RNF220: variants seen among roughly 807,000 people sequenced by gnomAD.
RNF220 encodes E3 ubiquitin-protein ligase RNF220.
In RNF220, 7 loss-of-function variants were observed where a neutral mutation model predicts 67.1. The observed-to-expected ratio is 0.10, with a 90% CI of 0.06 to 0.20. The LOEUF is 0.20. Among genes scored for constraint, RNF220 ranks in the 10% least tolerant of loss-of-function variants. RNF220 has a pLI of 1.00. For synonymous variants in RNF220, 270 were observed against 283.2 expected (o/e 0.95, Z 0.47); for missense variants, 565 against 740.3 (o/e 0.76, Z 2.75).
intron 2 of RNF220, among the ~76,000 whole-genome samples, chr1:44,544,569 TG>T (rs1661964865): frequency 6.6e-6 from 1 of 152,256 alleles, no homozygotes; most frequent in Admixed American, 6.5e-5. Context: ...CCTGTTGCCC[TG>T]TGTTTTAAGA....
At chr1:44,561,250 G>A (rs770429206) in intron 2 of RNF220, among the ~76,000 whole-genome samples, 2 of 152,308 alleles carry the variant, frequency 1.3e-5, no homozygotes, top group South Asian at 2.1e-4. Flanking sequence ...GGTGGCTCAC[G>A]CCTGTAATCC....
At chr1:44,512,844 C>T (rs1374980387) in intron 2 of RNF220, among the ~76,000 whole-genome samples, 2 of 152,050 alleles carry the variant, frequency 1.3e-5, no homozygotes, top group Non-Finnish European at 2.9e-5. Flanking sequence ...CCTCACCCTT[C>T]GGCAGCGAGT....
At chr1:44,635,623 C>A in intron 7 of RNF220, 35 bp downstream of exon 7, 2 of 1,614,120 alleles carry the variant, frequency 1.2e-6, no homozygotes, top group Non-Finnish European at 1.7e-6. Context: ...CTGGCAGGAT[C>A]GGAGCAGGAG....
chr1:44,510,666 C>T (rs1301259948), intron 2 of RNF220, among the ~76,000 whole-genome samples: 2 of 152,090 alleles, frequency 1.3e-5, no homozygotes, highest in South Asian at 2.1e-4. Flanking sequence ...TCTGTCCTTC[C>T]GGGATGTAAC....
In RNF220 at chr1:44,417,127, G is replaced by T. The variant is rs1306091469; in HGVS notation, c.625+4405G>T. Among the ~76,000 whole-genome samples the T allele has an allele frequency of 6.6e-6, 1 of 152,020 alleles. No homozygotes were observed. Among genetic ancestry groups the T allele is most frequent in the Non-Finnish European group, 1.5e-5 (1 of 67,996 alleles). On this transcript the variant is annotated intron_variant, in intron 2 of 14. Transcript: ENST00000361799. The surrounding 1 kb of genome is among the most constrained non-coding windows in gnomAD (Gnocchi z 4.0). The stretch of plus-strand genomic sequence containing the variant: ...GCCAGGTGGCCAGGCTGCACCTCTG[G>T]GTTGCAGCTGGGACAGATGACCACT...
Position 44,645,379 on chromosome 1 carries a change from C to T in RNF220, c.1367-31C>T, listed in dbSNP as rs756337154. 1.6e-5 allele frequency: 26 copies of T among 1,613,724 alleles called. 1 individual carries two copies. Among genetic ancestry groups the T allele is most frequent in the South Asian group, 7.7e-5 (7 of 91,062 alleles). On this transcript the variant is annotated intron_variant, in intron 11 of 14. Transcript: ENST00000361799. The surrounding 1 kb of genome is among the most constrained non-coding windows in gnomAD (Gnocchi z 5.0). Reference sequence around the variant, plus strand: ...CCTCACCTGTGCTGCCCAGTCTGGCCGGAGTGTGAGTTGCCCCTCTGTCCC... The same window carrying T: ...CCTCACCTGTGCTGCCCAGTCTGGCTGGAGTGTGAGTTGCCCCTCTGTCCC...
At chr1:44,527,691 T>G (rs1330935206) in intron 2 of RNF220, among the ~76,000 whole-genome samples, 1 of 151,744 alleles carries the variant, frequency 6.6e-6, no homozygotes, top group African/African-American at 2.4e-5. Flanking sequence ...TTTGGGAGGC[T>G]GAGATGGGCA....
At chr1:44,449,194 C>A (rs1652414110) in intron 2 of RNF220, among the ~76,000 whole-genome samples, 1 of 152,136 alleles carries the variant, frequency 6.6e-6, no homozygotes, top group Admixed American at 6.5e-5. Context: ...CTAAACTGTT[C>A]TTTCTTTGTG....
intron 8 of RNF220, chr1:44,643,584 C>T (rs1474091232): frequency 6.6e-6 from 1 of 152,144 alleles, no homozygotes; most frequent in African/African-American, 2.4e-5. Flanking sequence ...GGACTCCCTA[C>T]AAGACATACC....
chr1:44,631,997 G>A (rs1644147691), intron 5 of RNF220: 1 of 1,015,024 alleles, frequency 9.9e-7, no homozygotes, highest in Non-Finnish European at 1.2e-6. Flanking sequence ...CCGCCGCTTG[G>A]AGCTGAAGTG....
At chr1:44,508,213 C>G (rs565212576) in intron 2 of RNF220, among the ~76,000 whole-genome samples, 1 of 151,380 alleles carries the variant, frequency 6.6e-6, no homozygotes, top group Non-Finnish European at 1.5e-5. Flanking sequence ...ACTGTTTCCT[C>G]GGGCCAGGCG....
chr1:44,480,881 G>A (rs749627163), intron 2 of RNF220, among the ~76,000 whole-genome samples: 15 of 152,042 alleles, frequency 9.9e-5, no homozygotes, highest in Admixed American at 2.0e-4. Context: ...GTGAGACTCC[G>A]TCTCAAAAAA....
chr1:44,577,441 A>C (rs895667107), intron 2 of RNF220, among the ~76,000 whole-genome samples: 11 of 151,780 alleles, frequency 7.2e-5, no homozygotes, highest in Non-Finnish European at 1.5e-4. Flanking sequence ...TCAGCTCTTG[A>C]CCACCTCAAC....
Position 44,412,869 on chromosome 1 carries a change from C to A in RNF220, c.625+147C>A. ...ACTAGCTGTGGAGTGCTAACCTTTG[C>A]TTGTCTCTTATCAGTGAGCACTGAT... On this transcript the variant is annotated intron_variant, in intron 2 of 14. Coordinates refer to ENST00000361799, the MANE Select transcript of RNF220 (RefSeq NM_018150.4). This position sits in a 1 kb window ranked among gnomAD's most constrained non-coding sequence, Gnocchi z 5.3. The A allele has an allele frequency of 1.1e-6, 1 of 931,756 alleles. No homozygotes were observed. The highest frequency in any genetic ancestry group is 1.6e-6 in the Non-Finnish European group (1 of 616,928). 57.7% of individuals were successfully genotyped at this position (931,756 alleles called of 1,614,324 possible).
intron 2 of RNF220, among the ~76,000 whole-genome samples, chr1:44,531,580 G>A (rs931864513): frequency 6.6e-6 from 1 of 152,198 alleles, no homozygotes; most frequent in Non-Finnish European, 1.5e-5. Flanking sequence ...TGCCTGGCAG[G>A]TAGTGGGTGT....
chr1:44,466,445 G>A (rs1333883894), intron 2 of RNF220, among the ~76,000 whole-genome samples: 1 of 152,184 alleles, frequency 6.6e-6, no homozygotes, highest in African/African-American at 2.4e-5. Flanking sequence ...AATCATGACT[G>A]TTCTTAATGG....
chr1:44,562,879 C>T (rs566727869), intron 2 of RNF220, among the ~76,000 whole-genome samples: 1 of 152,338 alleles, frequency 6.6e-6, no homozygotes, highest in East Asian at 1.9e-4. Flanking sequence ...TGCTCTCCTG[C>T]TTCATTGATC....
At chr1:44,438,127 T>C (rs1319054833) in intron 2 of RNF220, among the ~76,000 whole-genome samples, 1 of 152,198 alleles carries the variant, frequency 6.6e-6, no homozygotes, top group African/African-American at 2.4e-5. Context: ...TTTAGTTTGT[T>C]TTTTTGTTTT....
intron 2 of RNF220, among the ~76,000 whole-genome samples, chr1:44,584,376 G>A (rs770097012): frequency 1.3e-5 from 2 of 152,202 alleles, no homozygotes; most frequent in Non-Finnish European, 2.9e-5. Context: ...TATAGCCCTT[G>A]TCAAATTCCA....
Sources: allele counts gnomAD v4.1 joint callset (sites outside exome capture counted in the v4.1 genomes callset), GRCh38; gene constraint gnomAD v4.1.1; non-coding constraint Gnocchi (gnomAD v3.1); transcripts MANE v1.5; gene names NCBI Gene and HGNC (gene_info 2026-07-23, HGNC 2026-07-21).